RNF144B: variants seen among roughly 807,000 people sequenced by gnomAD.
The protein encoded by RNF144B is E3 ubiquitin-protein ligase RNF144B.
In RNF144B, 25 loss-of-function variants were observed where a neutral mutation model predicts 40.2. That is an observed-to-expected ratio of 0.62 (90% CI 0.45 to 0.87). The LOEUF (loss-of-function observed/expected upper bound fraction) is 0.87. Among genes scored for constraint, RNF144B ranks in the 40% least tolerant of loss-of-function variants. RNF144B has a pLI of 0.00. For missense variants in RNF144B, 365 were observed against 373.7 expected, an observed-to-expected ratio of 0.98 and a Z score of 0.19; for synonymous variants, 145 against 136.3, an observed-to-expected ratio of 1.06 and a Z score of -0.44.
At position 18,465,188 on chromosome 6, in the gene RNF144B, A is replaced by G; in HGVS notation, c.*121A>G. The G allele has an allele frequency of 1.0e-6, 1 of 982,472 alleles. No homozygotes were observed. The highest frequency in any genetic ancestry group is 1.7e-5 in the South Asian group (1 of 59,840). 60.9% of individuals were successfully genotyped at this position (982,472 alleles called of 1,614,324 possible). A position where few individuals can be genotyped will look rare whatever the true frequency, so the allele number is the denominator to read the frequency against. ...ACTTTGAAAGTGCCTCCGTGTCCAG[A>G]CTTTGAACTTGCCTGCCAGCCTTCA... On this transcript the variant is annotated 3_prime_UTR_variant, in exon 8 of 8. Transcript: ENST00000259939.
chr6:18,394,023 T>G lies in RNF144B; in HGVS notation c.-36-5476T>G, dbSNP rs935340617. ...CAGTGCAGATCAACTGGATTTTTAT[T>G]TACATTAATATCCTGTGGCATCAGT... On this transcript the variant is annotated intron_variant, in intron 1 of 7. Transcript: ENST00000259939. Among the ~76,000 whole-genome samples the G allele has an allele frequency of 5.9e-5, 9 of 152,310 alleles. No homozygotes were observed. In the Middle Eastern group the frequency reaches 0.017, roughly 288 times the overall value.
chr6:18,397,107 A>G (rs1441978307), intron 1 of RNF144B, among the ~76,000 whole-genome samples: 3 of 152,228 alleles, frequency 2.0e-5, no homozygotes, highest in Admixed American at 6.5e-5. Flanking sequence ...AAAAACCTTG[A>G]ATGCTTCAGG....
chr6:18,453,218 A>C (rs1456750350), intron 4 of RNF144B, among the ~76,000 whole-genome samples: 1 of 141,748 alleles, frequency 7.1e-6, no homozygotes, highest in Middle Eastern at 3.7e-3. Flanking sequence ...GGTTCACTGC[A>C]ACCTCCGCCT....
chr6:18,409,396 A>AAC (rs1291315469), intron 2 of RNF144B, among the ~76,000 whole-genome samples: 1 of 150,266 alleles, frequency 6.7e-6, no homozygotes, highest in Non-Finnish European at 1.5e-5. Flanking sequence ...AAAAAAAAAA[A>AAC]AAAAAAACCC....
chr6:18,438,566 G>A (rs927230156), intron 3 of RNF144B, among the ~76,000 whole-genome samples: 20 of 152,060 alleles, frequency 1.3e-4, no homozygotes, highest in African/African-American at 2.7e-4. Flanking sequence ...ATTCATTTGC[G>A]AAATAAACAA....
Position 18,468,199 on chromosome 6 carries a change from A to T in RNF144B, c.*3132A>T, listed in dbSNP as rs1312627081. On this transcript the variant is annotated 3_prime_UTR_variant, in exon 8 of 8. Coordinates refer to ENST00000259939, the MANE Select transcript of RNF144B (RefSeq NM_182757.4). ...AATCCGTCACCAAATTGTAACCTGG[A>T]TGTTATAGCCCAGCATCTAGAAATC... 2 of 152,210 alleles carry T rather than the reference A, an allele frequency of 1.3e-5. No homozygotes were observed. Among genetic ancestry groups the T allele is most frequent in the African/African-American group, 2.4e-5 (1 of 41,454 alleles). The allele number at this position is 152,210 out of a possible 1,614,324, so 9.4% of individuals were successfully genotyped here.
chr6:18,425,748 T>G lies in RNF144B; in HGVS notation c.166-1833T>G, dbSNP rs1758534626. On this transcript the variant is annotated intron_variant, in intron 2 of 7. Coordinates refer to ENST00000259939, the MANE Select transcript of RNF144B (RefSeq NM_182757.4). The surrounding 1 kb of genome is among the most constrained non-coding windows in gnomAD (Gnocchi z 4.2). Reference sequence around the variant, plus strand: ...ATACTAAATCATGAGCATTTGTGCATGTCTTTTAAATATCATTTGAAGACT... The same window carrying G: ...ATACTAAATCATGAGCATTTGTGCAGGTCTTTTAAATATCATTTGAAGACT... Among the ~76,000 whole-genome samples, 1 of 152,246 alleles carries G rather than the reference T, an allele frequency of 6.6e-6. No homozygotes were observed. Among genetic ancestry groups the G allele is most frequent in the Non-Finnish European group, 1.5e-5 (1 of 68,040 alleles).
intron 2 of RNF144B, among the ~76,000 whole-genome samples, chr6:18,417,589 C>T (rs1795169541): frequency 6.6e-6 from 1 of 151,924 alleles, no homozygotes; most frequent in Non-Finnish European, 1.5e-5. Context: ...AAAAATGGAC[C>T]ATACACCTAT....
rs113565059 is a variant in RNF144B at position 18,456,996 on chromosome 6, G to T, written c.332-159G>T. ...AGAATCGGTTGAACCCAGGAGGGGAGGTTGCAGTGAGCTGAAATCATGCCA... is the reference window on the plus strand; with the variant it reads ...AGAATCGGTTGAACCCAGGAGGGGATGTTGCAGTGAGCTGAAATCATGCCA... On this transcript the variant is annotated intron_variant, in intron 4 of 7. Coordinates refer to ENST00000259939, the MANE Select transcript of RNF144B (RefSeq NM_182757.4). The surrounding 1 kb of genome is among the most constrained non-coding windows in gnomAD (Gnocchi z 4.7). Among the ~76,000 whole-genome samples, 1 of 152,168 alleles carries T rather than the reference G, an allele frequency of 6.6e-6. No individual in the cohort carries two copies. Among genetic ancestry groups the T allele is most frequent in the Non-Finnish European group, 1.5e-5 (1 of 68,030 alleles).
Position 18,434,695 on chromosome 6 carries a change from C to T in RNF144B, c.271-4989C>T, listed in dbSNP as rs562467438. ...GGAATGCAGTGGTGCGATCTCGGCT[C>T]ACTGCAAGCTCCGCCTCCCAGGTTC... On this transcript the variant is annotated intron_variant, in intron 3 of 7. Transcript: ENST00000259939. This position sits in a 1 kb window ranked among gnomAD's most constrained non-coding sequence, Gnocchi z 4.1. Among the ~76,000 whole-genome samples, 161 of 152,204 alleles carry T rather than the reference C, an allele frequency of 1.1e-3. No homozygotes were observed. Among genetic ancestry groups the T allele is most frequent in the Non-Finnish European group, 2.0e-3 (139 of 68,022 alleles).
At chr6:18,435,470 G>A (rs377353554) in intron 3 of RNF144B, among the ~76,000 whole-genome samples, 1 of 151,800 alleles carries the variant, frequency 6.6e-6, no homozygotes, top group Non-Finnish European at 1.5e-5. Context: ...AGTACAAAAT[G>A]AATGATAGAA....
rs1439450233 is a variant in RNF144B at position 18,410,351 on chromosome 6, T to A, written c.165+10652T>A. On this transcript the variant is annotated intron_variant, in intron 2 of 7. Coordinates refer to ENST00000259939, the MANE Select transcript of RNF144B (RefSeq NM_182757.4). The surrounding 1 kb of genome is among the most constrained non-coding windows in gnomAD (Gnocchi z 4.6). The stretch of plus-strand genomic sequence containing the variant: ...TCATCAGACACAACCAGCCCTGCTG[T>A]TATGTGGGCAGTAGACCCTCTGATA... 6.6e-6 allele frequency among the ~76,000 whole-genome samples: 1 copy of A among 152,172 alleles called. No homozygotes were observed. The highest frequency in any genetic ancestry group is 1.5e-5 in the Non-Finnish European group (1 of 68,036).
intron 2 of RNF144B, among the ~76,000 whole-genome samples, chr6:18,411,481 ATATATATATATATATATTTTTTTTTTT>A (rs1159332404): frequency 1.1e-4 from 3 of 27,908 alleles, no homozygotes; most frequent in South Asian, 1.4e-3. Context: ...ATATATATAT[ATATATATATATATATATTTTTTTTTTT>A]TTTTTTTTTT....
At chr6:18,426,898 C>T (rs1331230747) in intron 2 of RNF144B, among the ~76,000 whole-genome samples, 3 of 151,418 alleles carry the variant, frequency 2.0e-5, no homozygotes, top group Non-Finnish European at 2.9e-5. Flanking sequence ...TCTTCTTTCC[C>T]CAGGGGACCA....
chr6:18,423,414 T>C (rs1180157321), intron 2 of RNF144B, among the ~76,000 whole-genome samples: 2 of 152,204 alleles, frequency 1.3e-5, no homozygotes, highest in Non-Finnish European at 2.9e-5. Flanking sequence ...AGGAACTATA[T>C]AGTACGTTTT....
chr6:18,427,548 A>G lies in RNF144B; in HGVS notation c.166-33A>G, dbSNP rs750817443. ...GTAACCTTTCTGCTACTGTAATGGA[A>G]TGGGCAATTGTCTTTTTTTTCTTAA... On this transcript the variant is annotated intron_variant, in intron 2 of 7. Coordinates refer to ENST00000259939, the MANE Select transcript of RNF144B (RefSeq NM_182757.4). The G allele has an allele frequency of 3.4e-6, 5 of 1,453,444 alleles. No homozygotes were observed. The South Asian group carries it at 5.8e-5, about 17-fold the overall frequency. The allele number at this position is 1,453,444 out of a possible 1,614,324, so 90.0% of individuals were successfully genotyped here. A position where few individuals can be genotyped will look rare whatever the true frequency, so the allele number is the denominator to read the frequency against.
Position 18,398,104 on chromosome 6 carries a change from T to G in RNF144B, c.-36-1395T>G, listed in dbSNP as rs7771828. Among the ~76,000 whole-genome samples the G allele has an allele frequency of 0.64, 96,446 of 151,484 alleles. 31,605 individuals are homozygous for G. Among genetic ancestry groups the G allele is most frequent in the East Asian group, 0.77 (3,949 of 5,120 alleles). ...AGCCTGGGCAACAGAGAGAGACCCT[T>G]TCTCTAGGAAAAAAAAACCCCACAA... On this transcript the variant is annotated intron_variant, in intron 1 of 7. Transcript: ENST00000259939. This position sits in a 1 kb window ranked among gnomAD's most constrained non-coding sequence, Gnocchi z 5.0.
At position 18,413,906 on chromosome 6, in the gene RNF144B, C is replaced by T. The variant is rs543204067; in HGVS notation, c.166-13675C>T. ...CTAGCCTTTGAAAAACTTTATCTTA[C>T]GGTTTATGGTATTGATAACCTTCAG... On this transcript the variant is annotated intron_variant, in intron 2 of 7. Transcript: ENST00000259939. Among the ~76,000 whole-genome samples, 14 of 152,176 alleles carry T rather than the reference C, an allele frequency of 9.2e-5. No individual in the cohort carries two copies. In the South Asian group the frequency reaches 1.2e-3, roughly 14 times the overall value.
At position 18,406,832 on chromosome 6, in the gene RNF144B, A is replaced by T. The variant is rs894941076; in HGVS notation, c.165+7133A>T. On this transcript the variant is annotated intron_variant, in intron 2 of 7. Coordinates refer to ENST00000259939, the MANE Select transcript of RNF144B (RefSeq NM_182757.4). The surrounding 1 kb of genome is among the most constrained non-coding windows in gnomAD (Gnocchi z 4.2). ...AGTCTGTTTTCACACTGCTATAAAG[A>T]ATACCTGAGATCTATAAAGGAAGGA... 1.3e-5 allele frequency among the ~76,000 whole-genome samples: 2 copies of T among 152,096 alleles called. No homozygotes were observed. The highest frequency in any genetic ancestry group is 2.9e-5 in the Non-Finnish European group (2 of 68,028).
Sources: gnomAD v4.1 joint callset for allele counts (sites outside exome capture counted in the v4.1 genomes callset) on GRCh38, gnomAD v4.1.1 for gene constraint, Gnocchi (gnomAD v3.1) non-coding constraint, MANE v1.5 for transcripts, NCBI Gene and HGNC (gene_info 2026-07-23, HGNC 2026-07-21) for gene names.